Variants in TBC1D24 observed in about 807,000 individuals in gnomAD.
TBC1D24 encodes Infantile myoclonic epilepsy.
TBC1D24 carries 47 observed loss-of-function variants against 50.7 expected under a neutral mutation model. The ratio of observed to expected loss-of-function variants is 0.93; its 90% CI spans 0.73 to 1.18. The LOEUF is 1.18. TBC1D24 is among the 50% of genes most tolerant of loss of function. The pLI, the probability that TBC1D24 is intolerant of heterozygous loss-of-function variation, is 0.00. For missense variants in TBC1D24, 688 were observed against 766.5 expected (o/e 0.90, Z 1.21); for synonymous variants, 324 against 335.2 (o/e 0.97, Z 0.36).
chr16:2,501,062 G>C lies in TBC1D24; in HGVS notation c.*104G>C. 6.8e-7 allele frequency: 1 copy of C among 1,471,704 alleles called. No individual in the cohort carries two copies. The allele number at this position is 1,471,704 out of a possible 1,614,324, so 91.2% of individuals were successfully genotyped here. On this transcript the variant is annotated 3_prime_UTR_variant, in exon 8 of 8. Transcript: ENST00000646147. ...ATGAAACCCCCATGTGGTAGGCAGGGTTGGGGGACGGCAGGACCCCATGGC... is the reference window on the plus strand; with the variant it reads ...ATGAAACCCCCATGTGGTAGGCAGGCTTGGGGGACGGCAGGACCCCATGGC...
chr16:2,484,643 T>C (rs1184154667), intron 1 of TBC1D24: 1 of 152,276 alleles, frequency 6.6e-6, no homozygotes, highest in Non-Finnish European at 1.5e-5. Context: ...AAAGAACGGG[T>C]ACACCTGAGT....
intron 1 of TBC1D24, chr16:2,476,438 A>G (rs928758906): frequency 1.3e-5 from 2 of 152,290 alleles, no homozygotes; most frequent in African/African-American, 4.8e-5. Flanking sequence ...AGAGAAGATC[A>G]GAAAATCTTA....
At chr16:2,494,140 G>A (rs559258351) in intron 1 of TBC1D24, among the ~76,000 whole-genome samples, 16 of 152,206 alleles carry the variant, frequency 1.1e-4, no homozygotes, top group African/African-American at 3.6e-4. Flanking sequence ...CGGGCTGGGC[G>A]TGGTGGCTCA....
chr16:2,480,441 C>A (rs1567404145), intron 1 of TBC1D24: 1 of 152,050 alleles, frequency 6.6e-6, no homozygotes, highest in Non-Finnish European at 1.5e-5. Flanking sequence ...TTCCCTTTTT[C>A]TTGCAGGTCA....
intron 1 of TBC1D24, among the ~76,000 whole-genome samples, chr16:2,489,069 C>CA (rs60594657): frequency 0.043 from 3,883 of 90,606 alleles, 70 homozygotes; most frequent in Non-Finnish European, 0.064. Flanking sequence ...GACTCCTTCT[C>CA]AAAAAAAAAA....
At chr16:2,484,946 C>G (rs2065637767) in intron 1 of TBC1D24, 1 of 152,294 alleles carries the variant, frequency 6.6e-6, no homozygotes, top group East Asian at 1.9e-4. Flanking sequence ...GGCGTCATCC[C>G]CTCCCTGGGG....
chr16:2,491,320 T>C (rs2065693227), intron 1 of TBC1D24, among the ~76,000 whole-genome samples: 1 of 152,208 alleles, frequency 6.6e-6, no homozygotes, highest in Admixed American at 6.5e-5. Flanking sequence ...AAGACTTTTT[T>C]TTTAACCTAA....
Position 2,491,555 on chromosome 16 carries a change from AT to A in TBC1D24, c.-115-4462del, listed in dbSNP as rs34967659. ...AGGTATGCGCCACCACGCCTGGCTAATTTTTTTTTTTTTTTTTGAGATGGAG... is the reference window on the plus strand; with the variant it reads ...AGGTATGCGCCACCACGCCTGGCTAATTTTTTTTTTTTTTTTGAGATGGAG... On this transcript the variant is annotated intron_variant, in intron 1 of 7. Coordinates refer to ENST00000646147, the MANE Select transcript of TBC1D24 (RefSeq NM_001199107.2). Among the ~76,000 whole-genome samples, 496 of 134,300 alleles carry A rather than the reference AT, an allele frequency of 3.7e-3. 1 individual carries two copies. The highest frequency in any genetic ancestry group is 0.016 in the East Asian group (74 of 4,686). 88.1% of individuals were successfully genotyped at this position (134,300 alleles called of 152,430 possible). A position where few individuals can be genotyped will look rare whatever the true frequency, so the allele number is the denominator to read the frequency against.
chr16:2,496,121 AG>A lies in TBC1D24; in HGVS notation c.-25del, dbSNP rs2065734529. The A allele has an allele frequency of 1.9e-6, 3 of 1,613,240 alleles. No individual in the cohort carries two copies. Among genetic ancestry groups the A allele is most frequent in the Non-Finnish European group, 1.7e-6 (2 of 1,179,854 alleles). ...CTCTGTCCTCCCCTTCCGGCAGTCCAGGGCCTCCTCCCGAGCACAGCGGCGC... is the reference window on the plus strand; with the variant it reads ...CTCTGTCCTCCCCTTCCGGCAGTCCAGGCCTCCTCCCGAGCACAGCGGCGC... On this transcript the variant is annotated 5_prime_UTR_variant, in exon 2 of 8. Coordinates refer to ENST00000646147, the MANE Select transcript of TBC1D24 (RefSeq NM_001199107.2).
chr16:2,500,577 G>A lies in TBC1D24; in HGVS notation c.1525+87G>A, dbSNP rs2065784716. The A allele has an allele frequency of 1.4e-5, 20 of 1,432,708 alleles. No individual in the cohort carries two copies. In the South Asian group the frequency reaches 1.8e-4, roughly 13 times the overall value. 88.7% of individuals were successfully genotyped at this position (1,432,708 alleles called of 1,614,324 possible). ...GCACCCAGCCCTCCCTGACCGGGGT[G>A]GCAGAGAAGAGGCCCTGGGTGTCAG... is the stretch of plus-strand genomic sequence containing the variant. On this transcript the variant is annotated intron_variant, in intron 7 of 7. Transcript: ENST00000646147. This position sits in a 1 kb window ranked among gnomAD's most constrained non-coding sequence, Gnocchi z 8.0.
Position 2,500,315 on chromosome 16 carries a change from C to A in TBC1D24, c.1350C>A (p.Pro450=). The change falls in exon 7 of 8, where the codon CCC becomes CCA. Residue 450 remains proline (P), a synonymous_variant. Transcript: ENST00000646147. This position sits in a 1 kb window ranked among gnomAD's most constrained non-coding sequence, Gnocchi z 8.0. The stretch of plus-strand genomic sequence containing the variant: ...ACGAGTGGGTGGTGATCAAGCACCC[C>A]GAGCTGACCAAGCCCCCACCCTTGA... ...QRYEWVVIKH[P]ELTKPPPLMA... The A allele has an allele frequency of 6.2e-7, 1 of 1,610,896 alleles. No individual in the cohort carries two copies. Among genetic ancestry groups the A allele is most frequent in the East Asian group, 2.2e-5 (1 of 44,746 alleles).
At position 2,485,682 on chromosome 16, in the gene TBC1D24, A is replaced by G. The variant is rs1160309500; in HGVS notation, c.-115-10352A>G. Among the ~76,000 whole-genome samples the G allele has an allele frequency of 1.3e-5, 2 of 152,182 alleles. No homozygotes were observed. Among genetic ancestry groups the G allele is most frequent in the African/African-American group, 4.8e-5 (2 of 41,426 alleles). On this transcript the variant is annotated intron_variant, in intron 1 of 7. Transcript: ENST00000646147. The surrounding 1 kb of genome is among the most constrained non-coding windows in gnomAD (Gnocchi z 4.6). ...TGTGGGATCTGAGCTATCTCCAGGT[A>G]GATGTCTCCCGGTGTCGGGATTGAA... is the stretch of plus-strand genomic sequence containing the variant.
At position 2,501,092 on chromosome 16, in the gene TBC1D24, C is replaced by A; in HGVS notation, c.*134C>A. The A allele has an allele frequency of 8.7e-7, 1 of 1,144,832 alleles. No homozygotes were observed. The highest frequency in any genetic ancestry group is 1.2e-6 in the Non-Finnish European group (1 of 812,686). 70.9% of individuals were successfully genotyped at this position (1,144,832 alleles called of 1,614,324 possible). On this transcript the variant is annotated 3_prime_UTR_variant, in exon 8 of 8. Coordinates refer to ENST00000646147, the MANE Select transcript of TBC1D24 (RefSeq NM_001199107.2). ...GGGACGGCAGGACCCCATGGCCAAG[C>A]CTGGCGTTGCCTGGACCTGCTGCTG... is the stretch of plus-strand genomic sequence containing the variant.
Position 2,504,414 on chromosome 16 carries a change from C to CTTTTTTTTTTTTTTTTTTTTTTTT in TBC1D24, c.*3478_*3479insTTTTTTTTTTTTTTTTTTTTTTTT, listed in dbSNP as rs901354911. ...AACCACAGGCCTATTGAGATTGTCC[C>CTTTTTTTTTTTTTTTTTTTTTTTT]TTTTTTTTTTTTTTTTTTTTTTGAG... On this transcript the variant is annotated 3_prime_UTR_variant, in exon 8 of 8. Coordinates refer to ENST00000646147, the MANE Select transcript of TBC1D24 (RefSeq NM_001199107.2). The CTTTTTTTTTTTTTTTTTTTTTTTT allele has an allele frequency of 1.6e-5, 2 of 125,660 alleles. No individual in the cohort carries two copies. Among genetic ancestry groups the CTTTTTTTTTTTTTTTTTTTTTTTT allele is most frequent in the African/African-American group, 3.3e-5 (1 of 29,986 alleles). The allele number at this position is 125,660 out of a possible 1,614,324, so 7.8% of individuals were successfully genotyped here. A position where few individuals can be genotyped will look rare whatever the true frequency, so the allele number is the denominator to read the frequency against.
At position 2,499,544 on chromosome 16, in the gene TBC1D24, G is replaced by A. The variant is rs1039359945; in HGVS notation, c.1206+124G>A. ...CTCCTGGGCCAGATCCAGAGTCAGA[G>A]CGTGGGTATGGCCAGCACATGGGGC... On this transcript the variant is annotated intron_variant, in intron 5 of 7. Coordinates refer to ENST00000646147, the MANE Select transcript of TBC1D24 (RefSeq NM_001199107.2). The surrounding 1 kb of genome is among the most constrained non-coding windows in gnomAD (Gnocchi z 4.0). 10 of 890,528 alleles carry A rather than the reference G, an allele frequency of 1.1e-5. No individual in the cohort carries two copies. In the African/African-American group the frequency reaches 1.5e-4, roughly 13 times the overall value. 55.2% of individuals were successfully genotyped at this position (890,528 alleles called of 1,614,324 possible).
chr16:2,498,430 G>A (rs765801113), intron 4 of TBC1D24, 34 bp downstream of exon 4: 44 of 1,573,216 alleles, frequency 2.8e-5, no homozygotes, highest in Non-Finnish European at 3.5e-5. Context: ...GGGCGGCAGA[G>A]CCGCCCAGCC....
At chr16:2,497,432 C>T (rs543481098) in intron 2 of TBC1D24, among the ~76,000 whole-genome samples, 122 of 152,342 alleles carry the variant, frequency 8.0e-4, no homozygotes, top group African/African-American at 2.9e-3. Flanking sequence ...TCCACCCCTC[C>T]GGCTCTGGGC....
In TBC1D24 at chr16:2,496,190, G is replaced by A; in HGVS notation, c.42G>A (p.Lys14=). The A allele has an allele frequency of 6.2e-7, 1 of 1,613,960 alleles. No individual in the cohort carries two copies. Among genetic ancestry groups the A allele is most frequent in the Non-Finnish European group, 8.5e-7 (1 of 1,180,028 alleles). Residue 14 remains lysine (K), a synonymous_variant, in exon 2 of 8, where the codon AAG becomes AAA. Coordinates refer to ENST00000646147, the MANE Select transcript of TBC1D24 (RefSeq NM_001199107.2). ...ACAACTGCTTCGTGGACAAAGACAA[G>A]ATGGACGCTGCCATCCAGGACCTGG... ...PGYNCFVDKD[K]MDAAIQDLGP...
At chr16:2,498,625 G>A (rs532129368) in intron 4 of TBC1D24, among the ~76,000 whole-genome samples, 3 of 152,346 alleles carry the variant, frequency 2.0e-5, no homozygotes, top group South Asian at 4.1e-4. Flanking sequence ...TCGTGAAGAC[G>A]CCTGGGAGGC....
Sources: allele counts gnomAD v4.1 joint callset (sites outside exome capture counted in the v4.1 genomes callset), GRCh38; gene constraint gnomAD v4.1.1; non-coding constraint Gnocchi (gnomAD v3.1); transcripts MANE v1.5; gene names NCBI Gene and HGNC (gene_info 2026-07-23, HGNC 2026-07-21).